The following UCK2 variants were observed in gnomAD, a reference collection of about 807,000 sequenced individuals.
The protein encoded by UCK2 is uridine-cytidine kinase 2.
Under a neutral mutation model 30.8 loss-of-function variants are expected in UCK2, and 6 were observed. The ratio of observed to expected loss-of-function variants is 0.19; its 90% confidence interval spans 0.11 to 0.38. UCK2 has a LOEUF of 0.38. Ranked by LOEUF, UCK2 falls within the 10% of genes least tolerant of loss-of-function variation. UCK2 has a pLI of 1.00. For missense variants in UCK2, 210 were observed against 339.8 expected (o/e 0.62, Z 3.00); for synonymous variants, 125 against 133.6 (o/e 0.94, Z 0.45).
At chr1:165,894,895 G>A (rs949081059) in intron 3 of UCK2, among the ~76,000 whole-genome samples, 4 of 152,208 alleles carry the variant, frequency 2.6e-5, no homozygotes, top group Non-Finnish European at 5.9e-5. Context: ...TGGTTTGCCA[G>A]TGTGCTAGTC....
intron 1 of UCK2, among the ~76,000 whole-genome samples, chr1:165,868,256 G>A (rs578239436): frequency 2.4e-4 from 37 of 152,298 alleles, no homozygotes; most frequent in African/African-American, 8.4e-4. Flanking sequence ...AGTAGATGGA[G>A]CATACAAGGG....
chr1:165,878,352 A>G (rs561513532), intron 1 of UCK2, among the ~76,000 whole-genome samples: 26 of 146,468 alleles, frequency 1.8e-4, no homozygotes, highest in African/African-American at 6.3e-4. Flanking sequence ...TTTTTTTGAG[A>G]CAGAGTCTTG....
intron 3 of UCK2, chr1:165,895,753 T>A (rs963670246): frequency 9.0e-6 from 6 of 664,972 alleles, no homozygotes; most frequent in Non-Finnish European, 1.1e-5. Flanking sequence ...GGGATGGAGT[T>A]GTTGAGAGAA....
At chr1:165,885,430 G>GT (rs1557845223) in intron 1 of UCK2, 1 of 398,336 alleles carries the variant, frequency 2.5e-6, no homozygotes, top group Non-Finnish European at 4.4e-6. Context: ...CATAGATTTT[G>GT]TTTTTTCCTT....
rs112231814 is a variant in UCK2 at position 165,866,653 on chromosome 1, A to G, written c.100-23551A>G. ...TCATCTTCTCTAACTTAAACTCTGT[A>G]TCTGTTAAATAATAATTCTTCCTCA... On this transcript the variant is annotated intron_variant, in intron 1 of 6. Coordinates refer to ENST00000367879, the MANE Select transcript of UCK2 (RefSeq NM_012474.5). Among the ~76,000 whole-genome samples, 105 of 152,256 alleles carry G rather than the reference A, an allele frequency of 6.9e-4. 1 individual carries two copies. Among genetic ancestry groups the G allele is most frequent in the African/African-American group, 2.5e-3 (104 of 41,552 alleles).
intron 1 of UCK2, among the ~76,000 whole-genome samples, chr1:165,879,545 T>TTTATTATTATTA (rs59350667): frequency 0.26 from 37,740 of 146,702 alleles, 5,365 homozygotes; most frequent in South Asian, 0.45. Flanking sequence ...ATGTTTGCTT[T>TTTATTATTATTA]TTATTATTAT....
intron 1 of UCK2, among the ~76,000 whole-genome samples, chr1:165,832,988 A>G (rs1349788968): frequency 6.6e-6 from 1 of 151,996 alleles, no homozygotes; most frequent in African/African-American, 2.4e-5. Context: ...TGTGACCATT[A>G]TAGGATAAGA....
At chr1:165,879,590 C>T (rs1171225776) in intron 1 of UCK2, among the ~76,000 whole-genome samples, 3 of 95,900 alleles carry the variant, frequency 3.1e-5, no homozygotes, top group Non-Finnish European at 7.4e-5. Flanking sequence ...AGTAGATTAG[C>T]CCTGAAAATT....
chr1:165,847,832 C>T (rs942343602), intron 1 of UCK2, among the ~76,000 whole-genome samples: 6 of 151,512 alleles, frequency 4.0e-5, no homozygotes, highest in African/African-American at 1.5e-4. Context: ...CTTGCTCTGT[C>T]ACCCAGGCTG....
chr1:165,898,578 A>T (rs558848154), intron 4 of UCK2, among the ~76,000 whole-genome samples: 1 of 152,304 alleles, frequency 6.6e-6, no homozygotes, highest in South Asian at 2.1e-4. Flanking sequence ...AGTCTCAGGG[A>T]TGCAGTGCTG....
At chr1:165,856,076 ATG>A (rs1368997674) in intron 1 of UCK2, among the ~76,000 whole-genome samples, 1 of 152,172 alleles carries the variant, frequency 6.6e-6, no homozygotes, top group Non-Finnish European at 1.5e-5. Context: ...TGTTAAAATG[ATG>A]TGTGTCTTCC....
At chr1:165,861,637 AAAAAAAAAAAAACAAAAAAAAAC>A (rs1654904300) in intron 1 of UCK2, among the ~76,000 whole-genome samples, 1 of 135,750 alleles carries the variant, frequency 7.4e-6, no homozygotes, top group Non-Finnish European at 1.6e-5. Flanking sequence ...CAAAAAAAAA[AAAAAAAAAAAAACAAAAAAAAAC>A]AACAGTAAAA....
chr1:165,837,032 G>A (rs1216479431), intron 1 of UCK2, among the ~76,000 whole-genome samples: 2 of 152,018 alleles, frequency 1.3e-5, no homozygotes, highest in Non-Finnish European at 2.9e-5. Context: ...CTTTTATAAG[G>A]AACCCACCCC....
rs545519566 is a variant in UCK2 at position 165,886,073 on chromosome 1, A to AT, written c.100-4128dup. On this transcript the variant is annotated intron_variant, in intron 1 of 6. Transcript: ENST00000367879. ...CTCCCCTCAGCCCCTGGCAACCACC[A>AT]TTTAACTTTCCGTTTCTATGAATTT... Among the ~76,000 whole-genome samples, 420 of 152,144 alleles carry AT rather than the reference A, an allele frequency of 2.8e-3. 2 individuals are homozygous for AT. Among genetic ancestry groups the AT allele is most frequent in the African/African-American group, 9.4e-3 (392 of 41,520 alleles).
intron 1 of UCK2, among the ~76,000 whole-genome samples, chr1:165,878,730 G>T (rs1187291004): frequency 6.6e-6 from 1 of 152,184 alleles, no homozygotes. Flanking sequence ...AGTACATCTT[G>T]GTTGCTTGCT....
chr1:165,832,909 A>G (rs1654087751), intron 1 of UCK2, among the ~76,000 whole-genome samples: 1 of 151,742 alleles, frequency 6.6e-6, no homozygotes, highest in African/African-American at 2.4e-5. Flanking sequence ...TAAAATCTGT[A>G]CCTGTTTTGA....
rs371560619 is a variant in UCK2, at chr1:165,891,326, A to G, written c.356+4A>G. 253 of 1,613,832 alleles carry G rather than the reference A, an allele frequency of 1.6e-4. No individual in the cohort carries two copies. In the African/African-American group the frequency reaches 2.9e-3, roughly 18 times the overall value. On this transcript the variant is annotated splice_donor_region_variant and intron_variant, in intron 3 of 6. Coordinates refer to ENST00000367879, the MANE Select transcript of UCK2 (RefSeq NM_012474.5). ...ATGACTTTGTCTCCCATTCCCGGTA[A>G]GTGAGCTGTTCTGGGCCAGGGATGG... is the stretch of plus-strand genomic sequence containing the variant.
intron 1 of UCK2, among the ~76,000 whole-genome samples, chr1:165,866,819 G>T (rs896275988): frequency 2.0e-5 from 3 of 152,142 alleles, no homozygotes; most frequent in African/African-American, 7.2e-5. Flanking sequence ...AAGACTCATC[G>T]TACTGTATTG....
At chr1:165,906,081 T>C (rs1647649379) in intron 6 of UCK2, 112 bp downstream of exon 6, 1 of 998,492 alleles carries the variant, frequency 1.0e-6, no homozygotes, top group Admixed American at 1.9e-5. Flanking sequence ...CTGCCCTGCT[T>C]GTCTGTGATT....
Sources: allele counts gnomAD v4.1 joint callset (sites outside exome capture counted in the v4.1 genomes callset), GRCh38; gene constraint gnomAD v4.1.1; transcripts MANE v1.5; gene names NCBI Gene and HGNC (gene_info 2026-07-23, HGNC 2026-07-21).